Variants in TMEM272 observed in about 807,000 individuals in gnomAD.
TMEM272 encodes long intergenic non-protein coding RNA 282.
In TMEM272, 8 loss-of-function variants were observed where a neutral mutation model predicts 3.7. The observed-to-expected ratio is 2.17, with a 90% CI of 1.27 to 3.91. The LOEUF (loss-of-function observed/expected upper bound fraction) is 3.91. TMEM272 is among the 30% of genes most tolerant of loss of function. TMEM272 has a pLI of 0.00. For missense variants in TMEM272, 166 were observed against 91.5 expected (o/e 1.81, Z -3.32); for synonymous variants, 63 against 39.8 (o/e 1.58, Z -2.20).
chr13:51,845,114 G>T lies in TMEM272; in HGVS notation c.-122C>A, dbSNP rs1385760534. 1 of 152,384 alleles carries T rather than the reference G, an allele frequency of 6.6e-6. No individual in the cohort carries two copies. Among genetic ancestry groups the T allele is most frequent in the Non-Finnish European group, 1.5e-5 (1 of 68,242 alleles). The allele number at this position is 152,384 out of a possible 1,614,324, so 9.4% of individuals were successfully genotyped here. A position where few individuals can be genotyped will look rare whatever the true frequency, so the allele number is the denominator to read the frequency against. On this transcript the variant is annotated 5_prime_UTR_variant, in exon 1 of 5. Coordinates refer to ENST00000629372, the MANE Select transcript of TMEM272 (RefSeq NM_001351003.2). ...TCTGTGGGGCTCCTCTTGACTTGGG[G>T]CTCCCACTCCCTGTCGCACGCTTTC...
chr13:51,846,857 A>G (rs1956309463), upstream of TMEM272, among the ~76,000 whole-genome samples: 1 of 152,240 alleles, frequency 6.6e-6, no homozygotes, highest in African/African-American at 2.4e-5. Context: ...AGGTTACTTT[A>G]TTATTAAAGA....
chr13:51,910,767 A>C, the TMEM272 span: 1 of 355,590 alleles, frequency 2.8e-6, no homozygotes. Flanking sequence ...GCTGCGGGGG[A>C]ATCTGGAGGA....
chr13:51,933,985 C>T, the TMEM272 span: 1 of 152,802 alleles, frequency 6.5e-6, no homozygotes, highest in Non-Finnish European at 1.5e-5. Flanking sequence ...ATTGAGAAGC[C>T]AACACTCCAT....
the TMEM272 span, among the ~76,000 whole-genome samples, chr13:51,873,052 G>A: frequency 6.6e-6 from 1 of 152,172 alleles, no homozygotes; most frequent in Non-Finnish European, 1.5e-5. Flanking sequence ...TGTGGCCCAG[G>A]CCCAGGCAGA....
chr13:51,830,107 C>A (rs1404782648), intron 2 of TMEM272, among the ~76,000 whole-genome samples: 1 of 152,226 alleles, frequency 6.6e-6, no homozygotes, highest in Admixed American at 6.5e-5. Context: ...CAGCCACGTA[C>A]AAAAGCATTT....
chr13:51,926,142 G>A, the TMEM272 span, among the ~76,000 whole-genome samples: 2 of 151,628 alleles, frequency 1.3e-5, no homozygotes, highest in African/African-American at 4.8e-5. Flanking sequence ...TGTGTGCGTG[G>A]TATGTGGTGT....
chr13:51,856,069 T>G, the TMEM272 span, among the ~76,000 whole-genome samples: 6 of 152,128 alleles, frequency 3.9e-5, no homozygotes, highest in African/African-American at 1.4e-4. Context: ...AGGTTAGAGT[T>G]TTTATAGATG....
At chr13:51,913,929 C>T in the TMEM272 span, among the ~76,000 whole-genome samples, 56 of 152,180 alleles carry the variant, frequency 3.7e-4, no homozygotes, top group Non-Finnish European at 7.3e-4. Flanking sequence ...AAAGAGAATG[C>T]CAGAGGCTGT....
At chr13:51,850,174 T>G (rs915249401), upstream of TMEM272, among the ~76,000 whole-genome samples, 3 of 152,200 alleles carry the variant, frequency 2.0e-5, no homozygotes, top group Admixed American at 6.5e-5. Context: ...ATACACAAAT[T>G]TGGGGAGAAC....
At chr13:51,929,152 G>T in the TMEM272 span, among the ~76,000 whole-genome samples, 1 of 152,056 alleles carries the variant, frequency 6.6e-6, no homozygotes, top group African/African-American at 2.4e-5. Flanking sequence ...AGCTGAGATT[G>T]TGCCACTGCA....
the TMEM272 span, among the ~76,000 whole-genome samples, chr13:51,876,433 G>C: frequency 6.6e-6 from 1 of 152,324 alleles, no homozygotes; most frequent in African/African-American, 2.4e-5. Context: ...CAGAAATCCT[G>C]TTAGGTTCTT....
At chr13:51,902,624 C>T in the TMEM272 span, among the ~76,000 whole-genome samples, 56 of 152,316 alleles carry the variant, frequency 3.7e-4, 2 homozygotes, top group East Asian at 0.011. Flanking sequence ...CCAGCCAGGC[C>T]AGTGAGCCAC....
chr13:51,824,679 G>A (rs1027788402), intron 3 of TMEM272, among the ~76,000 whole-genome samples: 6 of 152,218 alleles, frequency 3.9e-5, no homozygotes, highest in Non-Finnish European at 7.3e-5. Flanking sequence ...CTGGCTGGGC[G>A]CGGTGGCTCA....
At chr13:51,849,456 T>A (rs114351791), upstream of TMEM272, among the ~76,000 whole-genome samples, 1,154 of 152,352 alleles carry the variant, frequency 7.6e-3, 17 homozygotes, top group African/African-American at 0.026. Context: ...TGTACATTTT[T>A]CAGTGGTTAA....
chr13:51,918,227 C>T, the TMEM272 span, among the ~76,000 whole-genome samples: 6 of 152,224 alleles, frequency 3.9e-5, no homozygotes. Context: ...GGGGTCAGCA[C>T]TTCCTCCTGC....
the TMEM272 span, among the ~76,000 whole-genome samples, chr13:51,928,371 G>A: frequency 6.6e-6 from 1 of 152,132 alleles, no homozygotes; most frequent in African/African-American, 2.4e-5. Context: ...CGGATGTGCC[G>A]GGCACTATTC....
Position 51,813,406 on chromosome 13 carries a change from C to T in TMEM272, c.*3345G>A. 2.5e-6 allele frequency: 1 copy of T among 397,230 alleles called. No individual in the cohort carries two copies. The allele number at this position is 397,230 out of a possible 1,614,324, so 24.6% of individuals were successfully genotyped here. A position where few individuals can be genotyped will look rare whatever the true frequency, so the allele number is the denominator to read the frequency against. ...AAAATGCCCAGAAGGAAATGAAGCA[C>T]AAGATTCAGTTACACAAAGATGAAA... On this transcript the variant is annotated 3_prime_UTR_variant, in exon 5 of 5. Transcript: ENST00000629372.
At chr13:51,820,430 C>G (rs1222121284) in intron 4 of TMEM272, among the ~76,000 whole-genome samples, 2 of 152,118 alleles carry the variant, frequency 1.3e-5, no homozygotes, top group Non-Finnish European at 2.9e-5. Context: ...TATTACCTTG[C>G]CATCATGAGC....
intron 1 of TMEM272, among the ~76,000 whole-genome samples, chr13:51,843,975 T>A (rs984903509): frequency 6.6e-6 from 1 of 152,184 alleles, no homozygotes; most frequent in Non-Finnish European, 1.5e-5. Flanking sequence ...GAGACATTTT[T>A]AATAGTCATG....
Sources: allele counts gnomAD v4.1 joint callset (sites outside exome capture counted in the v4.1 genomes callset), GRCh38; gene constraint gnomAD v4.1.1; transcripts MANE v1.5; gene names NCBI Gene and HGNC (gene_info 2026-07-23, HGNC 2026-07-21).